HMGCLL1: variants seen among roughly 807,000 people sequenced by gnomAD.
The protein encoded by HMGCLL1 is 3-hydroxymethyl-3-methylglutaryl-CoA lyase, cytoplasmic.
A neutral mutation model predicts 39.1 loss-of-function variants in HMGCLL1; 36 were observed. The observed-to-expected ratio is 0.92, with a 90% CI of 0.71 to 1.22. The LOEUF is 1.22. Among genes scored for constraint, HMGCLL1 ranks in the 50% most tolerant of loss-of-function variants. The pLI is 0.00. For missense variants in HMGCLL1, 451 were observed against 416.5 expected (o/e 1.08, Z -0.72); for synonymous variants, 149 against 144.0 (o/e 1.03, Z -0.25).
chr6:55,592,067 C>T, the HMGCLL1 span, among the ~76,000 whole-genome samples: 6 of 151,866 alleles, frequency 4.0e-5, no homozygotes, highest in Non-Finnish European at 8.8e-5. Flanking sequence ...TCACTTAAAG[C>T]TTGAAATTAC....
chr6:55,650,135 ACACACACACACAC>A, the HMGCLL1 span, among the ~76,000 whole-genome samples: 1 of 56,054 alleles, frequency 1.8e-5, no homozygotes, highest in African/African-American at 8.4e-5. Flanking sequence ...ATATATATAT[ACACACACACACAC>A]ATATGTATAT....
At chr6:55,630,107 G>C in the HMGCLL1 span, among the ~76,000 whole-genome samples, 1 of 152,140 alleles carries the variant, frequency 6.6e-6, no homozygotes. Flanking sequence ...AAAAGCTGCA[G>C]ACACTCTCGC....
intron 7 of HMGCLL1, among the ~76,000 whole-genome samples, chr6:55,466,506 G>A (rs2127399955): frequency 6.6e-6 from 1 of 152,180 alleles, no homozygotes; most frequent in African/African-American, 2.4e-5. Flanking sequence ...TGCTCTGGAG[G>A]ACAGCTATGC....
intron 1 of HMGCLL1, among the ~76,000 whole-genome samples, chr6:55,563,398 GT>G (rs767817607): frequency 2.0e-5 from 3 of 151,964 alleles, no homozygotes; most frequent in Admixed American, 6.6e-5. Context: ...GATATGCCCA[GT>G]TTTTTTGGTT....
the HMGCLL1 span, among the ~76,000 whole-genome samples, chr6:55,651,987 T>C: frequency 6.6e-6 from 1 of 152,170 alleles, no homozygotes; most frequent in African/African-American, 2.4e-5. Flanking sequence ...GTGGTATTGT[T>C]GATTCAAGGC....
At chr6:55,505,550 T>A (rs1767112737) in intron 5 of HMGCLL1, among the ~76,000 whole-genome samples, 1 of 151,684 alleles carries the variant, frequency 6.6e-6, no homozygotes, top group Admixed American at 6.6e-5. Flanking sequence ...TAAAGACTGT[T>A]TCATGGCATC....
intron 7 of HMGCLL1, among the ~76,000 whole-genome samples, chr6:55,450,314 G>C (rs1023277743): frequency 6.6e-6 from 1 of 152,200 alleles, no homozygotes; most frequent in Non-Finnish European, 1.5e-5. Context: ...GCTGGCAGAA[G>C]ATTTCAAAAC....
intron 7 of HMGCLL1, among the ~76,000 whole-genome samples, chr6:55,467,428 G>C (rs767269212): frequency 6.6e-6 from 1 of 151,920 alleles, no homozygotes; most frequent in Non-Finnish European, 1.5e-5. Context: ...TTTCATTTCT[G>C]CTCCACTTTA....
chr6:55,611,130 G>A, the HMGCLL1 span, among the ~76,000 whole-genome samples: 4 of 152,074 alleles, frequency 2.6e-5, no homozygotes, highest in East Asian at 1.9e-4. Flanking sequence ...AAAACTACAA[G>A]GAAATTGAAC....
At chr6:55,647,745 C>CTTTTTTTTTTTTTTTT in the HMGCLL1 span, among the ~76,000 whole-genome samples, 35 of 115,860 alleles carry the variant, frequency 3.0e-4, no homozygotes, top group South Asian at 5.5e-4. Context: ...TTTTTTTTTC[C>CTTTTTTTTTTTTTTTT]TTTTTTTTTT....
chr6:55,625,875 G>C, the HMGCLL1 span, among the ~76,000 whole-genome samples: 6 of 152,152 alleles, frequency 3.9e-5, no homozygotes, highest in Non-Finnish European at 1.5e-5. Flanking sequence ...AGCGAAGGAA[G>C]AGTTTAATAA....
chr6:55,449,639 A>C (rs1763995963), intron 7 of HMGCLL1, among the ~76,000 whole-genome samples: 1 of 152,174 alleles, frequency 6.6e-6, no homozygotes, highest in African/African-American at 2.4e-5. Context: ...CCACACTTTT[A>C]ATTTTTTTCC....
chr6:55,599,909 G>T, the HMGCLL1 span, among the ~76,000 whole-genome samples: 1 of 152,140 alleles, frequency 6.6e-6, no homozygotes, highest in Non-Finnish European at 1.5e-5. Context: ...CCGAAGCTAA[G>T]CATGAATGAT....
In HMGCLL1 at chr6:55,441,108, A is replaced by G. The variant is rs556901473; in HGVS notation, c.796-1549T>C. On this transcript the variant is annotated intron_variant, in intron 7 of 8. Coordinates refer to ENST00000274901, the MANE Select transcript of HMGCLL1 (RefSeq NM_001042406.2). ...GAGAGAGAGACTGTGCTGAAATCCA[A>G]ATACAGCATGGGCAAGTGAGAATTT... is the stretch of plus-strand genomic sequence containing the variant. Among the ~76,000 whole-genome samples the G allele has an allele frequency of 2.6e-5, 4 of 152,154 alleles. No individual in the cohort carries two copies. The East Asian group carries it at 5.8e-4, about 22-fold the overall frequency.
At chr6:55,519,481 T>A (rs1251860222) in intron 3 of HMGCLL1, among the ~76,000 whole-genome samples, 3 of 152,174 alleles carry the variant, frequency 2.0e-5, no homozygotes, top group African/African-American at 7.2e-5. Flanking sequence ...GAATTTAGCT[T>A]TTGTGCTTGA....
At chr6:55,592,447 T>A in the HMGCLL1 span, among the ~76,000 whole-genome samples, 2 of 152,218 alleles carry the variant, frequency 1.3e-5, no homozygotes, top group South Asian at 4.1e-4. Flanking sequence ...TGTTGGTCTT[T>A]ATGCTTCATC....
intron 7 of HMGCLL1, among the ~76,000 whole-genome samples, chr6:55,460,310 C>A (rs1172373207): frequency 6.6e-6 from 1 of 151,686 alleles, no homozygotes; most frequent in Non-Finnish European, 1.5e-5. Flanking sequence ...TATATAAAAC[C>A]AAAAATATCA....
At chr6:55,516,443 C>T (rs1581885854) in intron 4 of HMGCLL1, 65 bp downstream of exon 4, 1 of 1,054,692 alleles carries the variant, frequency 9.5e-7, no homozygotes, top group East Asian at 2.4e-5. Context: ...ACAATTTTAA[C>T]TTTGTAAATA....
At chr6:55,619,784 G>A in the HMGCLL1 span, among the ~76,000 whole-genome samples, 2 of 151,910 alleles carry the variant, frequency 1.3e-5, no homozygotes, top group East Asian at 3.9e-4. Flanking sequence ...TCAAATAGTA[G>A]ATCTTACTCA....
Sources: gnomAD v4.1 joint callset for allele counts (sites outside exome capture counted in the v4.1 genomes callset) on GRCh38, gnomAD v4.1.1 for gene constraint, MANE v1.5 for transcripts, NCBI Gene and HGNC (gene_info 2026-07-23, HGNC 2026-07-21) for gene names.